CCDC85A: variants seen among roughly 807,000 people sequenced by gnomAD.
CCDC85A encodes the protein coiled-coil domain containing 85A.
Under a neutral mutation model 50.2 loss-of-function variants are expected in CCDC85A, and 38 were observed. The ratio of observed to expected loss-of-function variants is 0.76; its 90% CI spans 0.58 to 0.99. The LOEUF is 0.99. Ranked by LOEUF, CCDC85A falls within the 50% of genes least tolerant of loss-of-function variation. The pLI is 0.00. For synonymous variants in CCDC85A, 366 were observed against 301.4 expected (o/e 1.21, Z -2.22); for missense variants, 820 against 742.0 (o/e 1.11, Z -1.22).
intron 1 of CCDC85A, among the ~76,000 whole-genome samples, chr2:56,189,713 T>A (rs184836305): frequency 8.4e-4 from 128 of 152,320 alleles, no homozygotes; most frequent in Non-Finnish European, 7.3e-5. Context: ...TAGTATCCGA[T>A]AGTTTTTTAA....
intron 2 of CCDC85A, among the ~76,000 whole-genome samples, chr2:56,300,540 C>A (rs1672154785): frequency 6.6e-6 from 1 of 152,138 alleles, no homozygotes; most frequent in African/African-American, 2.4e-5. Context: ...GAATCTGATC[C>A]AGTGACACTA....
At chr2:56,212,791 C>G (rs914258506) in intron 2 of CCDC85A, among the ~76,000 whole-genome samples, 1 of 151,898 alleles carries the variant, frequency 6.6e-6, no homozygotes, top group Non-Finnish European at 1.5e-5. Flanking sequence ...TTTGGAGCCA[C>G]GCACACCCTG....
At chr2:56,234,613 A>C (rs1453241143) in intron 2 of CCDC85A, among the ~76,000 whole-genome samples, 1 of 151,860 alleles carries the variant, frequency 6.6e-6, no homozygotes, top group South Asian at 2.1e-4. Context: ...TACCTATTTC[A>C]CCTCAGTCAC....
intron 2 of CCDC85A, among the ~76,000 whole-genome samples, chr2:56,306,153 G>T (rs1046332169): frequency 2.6e-5 from 4 of 151,840 alleles, no homozygotes; most frequent in Admixed American, 6.6e-5. Context: ...TTTTGAGATG[G>T]AGTCTCACTC....
At chr2:56,332,073 G>T (rs1673832951) in intron 2 of CCDC85A, among the ~76,000 whole-genome samples, 1 of 152,202 alleles carries the variant, frequency 6.6e-6, no homozygotes, top group South Asian at 2.1e-4. Flanking sequence ...GGTGGGATGG[G>T]AGGTGGGGTG....
intron 2 of CCDC85A, among the ~76,000 whole-genome samples, chr2:56,253,793 T>A (rs538860769): frequency 6.6e-6 from 1 of 152,280 alleles, no homozygotes; most frequent in Admixed American, 6.5e-5. Context: ...GGATGATTTC[T>A]AAGTTTCTGC....
intron 2 of CCDC85A, among the ~76,000 whole-genome samples, chr2:56,254,485 C>T (rs1669898636): frequency 6.6e-6 from 1 of 152,154 alleles, no homozygotes; most frequent in Non-Finnish European, 1.5e-5. Context: ...CCAAGTGTTT[C>T]ACCAAGCACT....
At chr2:56,224,979 G>A (rs1471667928) in intron 2 of CCDC85A, among the ~76,000 whole-genome samples, 1 of 152,038 alleles carries the variant, frequency 6.6e-6, no homozygotes, top group African/African-American at 2.4e-5. Context: ...TAAAGTCATA[G>A]CTAAGAAACC....
chr2:56,288,337 A>G (rs1200096603), intron 2 of CCDC85A, among the ~76,000 whole-genome samples: 1 of 152,050 alleles, frequency 6.6e-6, no homozygotes. Context: ...ATAAAAAGGA[A>G]CAGACACTTG....
intron 2 of CCDC85A, among the ~76,000 whole-genome samples, chr2:56,294,346 C>T (rs563206709): frequency 1.3e-5 from 2 of 152,250 alleles, no homozygotes; most frequent in South Asian, 2.1e-4. Flanking sequence ...GGGCTTAATA[C>T]CTAGGTGGTG....
At chr2:56,303,657 C>G (rs62167333) in intron 2 of CCDC85A, among the ~76,000 whole-genome samples, 18,051 of 152,138 alleles carry the variant, frequency 0.12, 1,210 homozygotes, top group East Asian at 0.32. Flanking sequence ...TATTTTTTCT[C>G]TCTGAATGGT....
chr2:56,308,065 C>T lies in CCDC85A; in HGVS notation c.1241-34814C>T, dbSNP rs932222000. On this transcript the variant is annotated intron_variant, in intron 2 of 5. Coordinates refer to ENST00000407595, the MANE Select transcript of CCDC85A (RefSeq NM_001080433.2). ...CTATTTCTACTCTCATAGCATGAGTCGACCTTTAAGGAGAATATCTGGAGA... is the reference window on the plus strand; with the variant it reads ...CTATTTCTACTCTCATAGCATGAGTTGACCTTTAAGGAGAATATCTGGAGA... Among the ~76,000 whole-genome samples, 30 of 152,278 alleles carry T rather than the reference C, an allele frequency of 2.0e-4. 1 individual carries two copies. The highest frequency in any genetic ancestry group is 5.3e-4 in the African/African-American group (22 of 41,568).
chr2:56,267,214 C>T (rs1406838365), intron 2 of CCDC85A, among the ~76,000 whole-genome samples: 2 of 152,146 alleles, frequency 1.3e-5, no homozygotes, highest in Non-Finnish European at 2.9e-5. Context: ...CCCCCCAGAC[C>T]CCACGCTCTT....
Position 56,184,144 on chromosome 2 carries a change from C to T in CCDC85A, c.-481C>T. 1.6e-5 allele frequency: 16 copies of T among 985,796 alleles called. No individual in the cohort carries two copies. Among genetic ancestry groups the T allele is most frequent in the Non-Finnish European group, 1.9e-5 (16 of 830,328 alleles). The allele number at this position is 985,796 out of a possible 1,614,324, so 61.1% of individuals were successfully genotyped here. A position where few individuals can be genotyped will look rare whatever the true frequency, so the allele number is the denominator to read the frequency against. Reference sequence around the variant, plus strand: ...GGAGGCGCCGCGGTGCCCGGCGCGCCCTCCAAGCTAGGAGAGGGGAGAAGC... The same window carrying T: ...GGAGGCGCCGCGGTGCCCGGCGCGCTCTCCAAGCTAGGAGAGGGGAGAAGC... On this transcript the variant is annotated 5_prime_UTR_variant, in exon 1 of 6. Coordinates refer to ENST00000407595, the MANE Select transcript of CCDC85A (RefSeq NM_001080433.2).
chr2:56,290,907 A>T (rs1671672513), intron 2 of CCDC85A, among the ~76,000 whole-genome samples: 1 of 152,176 alleles, frequency 6.6e-6, no homozygotes, highest in Admixed American at 6.5e-5. Context: ...CCTTACTGTA[A>T]TTCTTTTGGT....
At chr2:56,255,543 G>T (rs1669946216) in intron 2 of CCDC85A, among the ~76,000 whole-genome samples, 1 of 152,116 alleles carries the variant, frequency 6.6e-6, no homozygotes, top group African/African-American at 2.4e-5. Flanking sequence ...GAGGAGCAAA[G>T]GATAGTGATT....
rs114287222 is a variant in CCDC85A at position 56,358,599 on chromosome 2, G to A, written c.1318-13745G>A. On this transcript the variant is annotated intron_variant, in intron 3 of 5. Transcript: ENST00000407595. ...CTCACATCCTGCCATTGTAGTGTGA[G>A]AAGAGCAGAAAACAGCCACAGAGAA... 3.7e-3 allele frequency among the ~76,000 whole-genome samples: 561 copies of A among 152,242 alleles called. 3 individuals carry two copies. Among genetic ancestry groups the A allele is most frequent in the African/African-American group, 0.013 (533 of 41,550 alleles).
chr2:56,236,604 T>C (rs758615688), intron 2 of CCDC85A, among the ~76,000 whole-genome samples: 3 of 152,150 alleles, frequency 2.0e-5, no homozygotes, highest in Non-Finnish European at 4.4e-5. Flanking sequence ...TTATTAACTC[T>C]CCACCCACAT....
At chr2:56,323,812 A>G (rs983203498) in intron 2 of CCDC85A, among the ~76,000 whole-genome samples, 2 of 152,134 alleles carry the variant, frequency 1.3e-5, no homozygotes, top group Admixed American at 6.6e-5. Flanking sequence ...TTAGCTTGAT[A>G]GCAATGATAG....
Sources: gnomAD v4.1 joint callset for allele counts (sites outside exome capture counted in the v4.1 genomes callset) on GRCh38, gnomAD v4.1.1 for gene constraint, MANE v1.5 for transcripts, NCBI Gene and HGNC (gene_info 2026-07-23, HGNC 2026-07-21) for gene names.